Variants in GYPB observed in about 807,000 individuals in gnomAD.
GYPB encodes the protein glycophorin-B.
In GYPB, 13 loss-of-function variants were observed where a neutral mutation model predicts 15.3. The ratio of observed to expected loss-of-function variants is 0.85; its 90% CI spans 0.55 to 1.35. The LOEUF (loss-of-function observed/expected upper bound fraction) is 1.35, where lower values mean the gene tolerates loss of function less well. GYPB is among the 40% of genes most tolerant of loss of function. The pLI is 0.00. For missense variants in GYPB, 131 were observed against 108.3 expected (o/e 1.21, Z -0.93); for synonymous variants, 38 against 36.9 (o/e 1.03, Z -0.11).
intron 1 of GYPB, among the ~76,000 whole-genome samples, chr4:144,006,284 A>T (rs141969126): frequency 0.012 from 1,812 of 151,936 alleles, 122 homozygotes; most frequent in African/African-American, 0.042. Context: ...CTTGTATAAC[A>T]TCGGATATGT....
In GYPB at chr4:144,018,248, C is replaced by T. The variant is rs530787035; in HGVS notation, c.37+1003G>A. Among the ~76,000 whole-genome samples, 18 of 151,404 alleles carry T rather than the reference C, an allele frequency of 1.2e-4. 2 individuals are homozygous for T. The highest frequency in any genetic ancestry group is 4.4e-4 in the African/African-American group (18 of 40,752). On this transcript the variant is annotated intron_variant, in intron 1 of 4. Transcript: ENST00000502664. ...ATAAAAATGTGGGCCCTTAATTTGC[C>T]TTAATGTTCCCCAGCCTTGAGAAGT...
chr4:144,006,045 C>G lies in GYPB; in HGVS notation c.38-4762G>C, dbSNP rs13435859. On this transcript the variant is annotated intron_variant, in intron 1 of 4. Transcript: ENST00000502664. ...TGGCAAATTAGTGCAAAATAAAATACAAAGGTATGTTTTGTCATATTAGTG... is the reference window on the plus strand; with the variant it reads ...TGGCAAATTAGTGCAAAATAAAATAGAAAGGTATGTTTTGTCATATTAGTG... Among the ~76,000 whole-genome samples, 238 of 140,678 alleles carry G rather than the reference C, an allele frequency of 1.7e-3. 7 individuals are homozygous for G. The highest frequency in any genetic ancestry group is 5.8e-3 in the African/African-American group (217 of 37,288). 92.3% of individuals were successfully genotyped at this position (140,678 alleles called of 152,430 possible).
chr4:143,999,174 A>T (rs954425566), intron 3 of GYPB: 23 of 365,872 alleles, frequency 6.3e-5, no homozygotes, highest in Non-Finnish European at 1.1e-4. Context: ...TCCCAAAATT[A>T]TAGGGATTAT....
Position 144,003,299 on chromosome 4 carries a change from GA to G in GYPB, c.38-2017del, listed in dbSNP as rs1013474663. On this transcript the variant is annotated intron_variant, in intron 1 of 4. Coordinates refer to ENST00000502664, the MANE Select transcript of GYPB (RefSeq NM_002100.6). ...CAGTAGTATGGAGGATAACTTAGGG[GA>G]AAAAAAACATGCGGGAGCTTTGCAG... is the stretch of plus-strand genomic sequence containing the variant. Among the ~76,000 whole-genome samples, 14 of 150,298 alleles carry G rather than the reference GA, an allele frequency of 9.3e-5. 1 individual carries two copies. The highest frequency in any genetic ancestry group is 3.3e-4 in the African/African-American group (13 of 39,828).
chr4:144,008,925 T>C (rs1728070312), intron 1 of GYPB, among the ~76,000 whole-genome samples: 2 of 151,478 alleles, frequency 1.3e-5, no homozygotes, highest in Admixed American at 1.3e-4. Flanking sequence ...AAACTTCATC[T>C]TCCTGAGTTT....
rs1442624694 is a variant in GYPB, at chr4:143,996,171, A to G, written c.*128T>C. 3.9e-6 allele frequency: 6 copies of G among 1,529,618 alleles called. No individual in the cohort carries two copies. The highest frequency in any genetic ancestry group is 2.0e-4 in the Middle Eastern group (1 of 4,918). 94.8% of individuals were successfully genotyped at this position (1,529,618 alleles called of 1,614,324 possible). On this transcript the variant is annotated 3_prime_UTR_variant, in exon 5 of 5. Transcript: ENST00000502664. The stretch of plus-strand genomic sequence containing the variant: ...TACAGTAATAGTGAGGCAGGAGAAC[A>G]GGGAATTAGGATAGCCAGGGGTAGG...
chr4:144,013,171 C>G (rs957958505), intron 1 of GYPB, among the ~76,000 whole-genome samples: 9 of 151,200 alleles, frequency 6.0e-5, no homozygotes, highest in African/African-American at 2.0e-4. Context: ...TGAAAAAATG[C>G]TCATCATCAC....
intron 4 of GYPB, among the ~76,000 whole-genome samples, chr4:143,996,860 A>G (rs981821331): frequency 6.9e-6 from 1 of 145,610 alleles, no homozygotes; most frequent in African/African-American, 2.7e-5. Context: ...CTGTTTCAGA[A>G]CATGTGAGAA....
At chr4:144,002,902 T>A (rs1283015739) in intron 1 of GYPB, among the ~76,000 whole-genome samples, 1 of 151,294 alleles carries the variant, frequency 6.6e-6, no homozygotes, top group East Asian at 1.9e-4. Context: ...CTCTTTAACT[T>A]GGCCTGCCAC....
chr4:144,001,337 C>A (rs1167486573), intron 1 of GYPB, 54 bp from the exon 2 acceptor site: 24 of 1,612,014 alleles, frequency 1.5e-5, no homozygotes, highest in Non-Finnish European at 1.9e-5. Context: ...CTGAGCAGAC[C>A]ATAAAGCATA....
chr4:144,018,916 G>C lies in GYPB; in HGVS notation c.37+335C>G, dbSNP rs928083604. The stretch of plus-strand genomic sequence containing the variant: ...GTTAATAACTCTTTAGTTTGGAAAT[G>C]AATCTCCTTATAACTCAAACAAAGC... On this transcript the variant is annotated intron_variant, in intron 1 of 4. Transcript: ENST00000502664. Among the ~76,000 whole-genome samples, 11 of 151,514 alleles carry C rather than the reference G, an allele frequency of 7.3e-5. 1 individual carries two copies. The highest frequency in any genetic ancestry group is 2.2e-4 in the African/African-American group (9 of 40,836).
At chr4:144,015,488 T>C (rs779325932) in intron 1 of GYPB, among the ~76,000 whole-genome samples, 10 of 151,576 alleles carry the variant, frequency 6.6e-5, no homozygotes, top group Non-Finnish European at 1.3e-4. Flanking sequence ...GGTGTCAAAA[T>C]ATAATCTATA....
At chr4:144,015,758 T>TC (rs1344042285) in intron 1 of GYPB, among the ~76,000 whole-genome samples, 1 of 151,232 alleles carries the variant, frequency 6.6e-6, no homozygotes, top group Admixed American at 6.6e-5. Context: ...CTAAATATAT[T>TC]TACAGGTTTG....
intron 1 of GYPB, among the ~76,000 whole-genome samples, chr4:144,010,802 T>C (rs1219727771): frequency 5.3e-5 from 8 of 151,392 alleles, no homozygotes; most frequent in Non-Finnish European, 1.0e-4. Context: ...AGACTTTCTA[T>C]GTGTGCTGCA....
intron 1 of GYPB, among the ~76,000 whole-genome samples, chr4:144,017,741 C>T (rs2667354): frequency 0.014 from 2,050 of 151,450 alleles, 162 homozygotes; most frequent in African/African-American, 0.048. Context: ...TTTGTTTGAG[C>T]TACATCCAGT....
rs1728397336 is a variant in GYPB, at chr4:144,014,637, G to A, written c.37+4614C>T. On this transcript the variant is annotated intron_variant, in intron 1 of 4. Transcript: ENST00000502664. ...TTTCCAGGGGCTGGAGGAATTGGAA[G>A]TGGCTGCTACTGGGTAAGAGGGTTC... 2.0e-5 allele frequency among the ~76,000 whole-genome samples: 3 copies of A among 151,382 alleles called. 1 individual carries two copies. The highest frequency in any genetic ancestry group is 7.4e-5 in the African/African-American group (3 of 40,662).
At chr4:144,015,101 A>G (rs915673161) in intron 1 of GYPB, among the ~76,000 whole-genome samples, 1 of 151,494 alleles carries the variant, frequency 6.6e-6, no homozygotes, top group African/African-American at 2.5e-5. Context: ...ACGTACAAAA[A>G]TTAAAGACTT....
In GYPB at chr4:144,019,132, G is replaced by A. The variant is rs558164862; in HGVS notation, c.37+119C>T. On this transcript the variant is annotated intron_variant, in intron 1 of 4. Coordinates refer to ENST00000502664, the MANE Select transcript of GYPB (RefSeq NM_002100.6). ...GTAAAATCCATCCACCAGACTGGAA[G>A]AGGAAATACTACTCATTTATTGATT... The A allele has an allele frequency of 1.1e-3, 1,596 of 1,487,116 alleles. 6 individuals are homozygous for A. Among genetic ancestry groups the A allele is most frequent in the Non-Finnish European group, 1.4e-3 (1,513 of 1,104,004 alleles). The allele number at this position is 1,487,116 out of a possible 1,614,324, so 92.1% of individuals were successfully genotyped here. A position where few individuals can be genotyped will look rare whatever the true frequency, so the allele number is the denominator to read the frequency against.
At chr4:144,018,023 A>C (rs1369596963) in intron 1 of GYPB, among the ~76,000 whole-genome samples, 1 of 151,338 alleles carries the variant, frequency 6.6e-6, no homozygotes, top group Admixed American at 6.6e-5. Flanking sequence ...GATAGCTACT[A>C]ATTATTTTAA....
Sources: gnomAD v4.1 joint callset for allele counts (sites outside exome capture counted in the v4.1 genomes callset) on GRCh38, gnomAD v4.1.1 for gene constraint, MANE v1.5 for transcripts, NCBI Gene and HGNC (gene_info 2026-07-23, HGNC 2026-07-21) for gene names.